ANKRD2: variants seen among roughly 807,000 people sequenced by gnomAD.
ANKRD2 encodes the protein ankyrin repeat domain 2.
Under a neutral mutation model 37.3 loss-of-function variants are expected in ANKRD2, and 35 were observed. The ratio of observed to expected loss-of-function variants is 0.94; its 90% CI spans 0.72 to 1.24. ANKRD2 has a LOEUF of 1.24. Among genes scored for constraint, ANKRD2 ranks in the 50% most tolerant of loss-of-function variants. The probability of loss-of-function intolerance (pLI) is 0.00; values close to 1 mark genes in which losing one functional copy is unlikely to be tolerated. For missense variants in ANKRD2, 410 were observed against 445.6 expected, an observed-to-expected ratio of 0.92 and a Z score of 0.72; for synonymous variants, 159 against 186.5, an observed-to-expected ratio of 0.85 and a Z score of 1.20.
At chr10:97,574,345 G>A (rs987142790) in intron 1 of ANKRD2, among the ~76,000 whole-genome samples, 5 of 152,118 alleles carry the variant, frequency 3.3e-5, no homozygotes, top group Non-Finnish European at 7.4e-5. Flanking sequence ...CCTTCAAGGG[G>A]ACTCAGTGGA....
In ANKRD2 at chr10:97,578,393, G is replaced by A; in HGVS notation, c.343G>A (p.Glu115Lys). 6.2e-7 allele frequency: 1 copy of A among 1,613,794 alleles called. No homozygotes were observed. Among genetic ancestry groups the A allele is most frequent in the Non-Finnish European group, 8.5e-7 (1 of 1,179,856 alleles). ...GCATGAGCCGCCCCCAGAGCCCGAG[G>A]AGATCGTAAGGGTCCTGGGGAGGAC... is the stretch of plus-strand genomic sequence containing the variant. ...ASHEPPPEPE[E>K]ITGPVDEETF... Residue 115 changes from glutamate to lysine, a missense_variant, in exon 3 of 9, where the codon GAG (glutamate) becomes AAG (lysine). By Grantham distance (56) the Glu-to-Lys change is moderately conservative. Coordinates refer to ENST00000370655, the MANE Select transcript of ANKRD2 (RefSeq NM_001346793.2).
intron 2 of ANKRD2, 104 bp from the exon 3 acceptor site, chr10:97,578,136 G>T (rs1589892477): frequency 2.3e-6 from 3 of 1,310,500 alleles, no homozygotes; most frequent in South Asian, 2.9e-5. Flanking sequence ...TCTTAAGAGG[G>T]TCTTCCTGCC....
In ANKRD2 at chr10:97,581,415, G is replaced by A. The variant is rs766380384; in HGVS notation, c.654+1G>A. ...AGCAGACACCAATGTGAGGGATAAG[G>A]TGAGGCAAAAACACTCAGAAGCAAC... On this transcript the variant is annotated splice_donor_variant, in intron 6 of 8. Coordinates refer to ENST00000370655, the MANE Select transcript of ANKRD2 (RefSeq NM_001346793.2). LOFTEE classifies it high-confidence loss of function. The A allele has an allele frequency of 6.2e-7, 1 of 1,613,978 alleles. No homozygotes were observed. The highest frequency in any genetic ancestry group is 1.7e-5 in the Admixed American group (1 of 59,992).
chr10:97,577,484 G>C (rs1004678461), intron 1 of ANKRD2, among the ~76,000 whole-genome samples: 1 of 152,244 alleles, frequency 6.6e-6, no homozygotes. Context: ...CTTGGTGCTT[G>C]AAAGAGTGAA....
At chr10:97,578,019 G>C in intron 2 of ANKRD2, 118 bp downstream of exon 2, 1 of 1,130,478 alleles carries the variant, frequency 8.8e-7, no homozygotes, top group Non-Finnish European at 1.2e-6. Flanking sequence ...GGTAGAGCTT[G>C]CTAGCCCTGC....
chr10:97,583,613 A>T lies in ANKRD2; in HGVS notation c.890A>T (p.Gln297Leu), dbSNP rs141723621. The T allele has an allele frequency of 6.1e-5, 98 of 1,605,956 alleles. No homozygotes were observed. Among genetic ancestry groups the T allele is most frequent in the Non-Finnish European group, 7.9e-5 (93 of 1,176,978 alleles). Reference protein sequence around the residue: ...KTPTDLVQLWQADTRHALEHP... With the variant: ...KTPTDLVQLWLADTRHALEHP... ...CCGACGGACCTGGTGCAGCTCTGGC[A>T]GGCTGATACCCGGCACGCCCTGGAG... The change falls in exon 9 of 9, where the codon CAG (glutamine) becomes CTG (leucine). Residue 297 changes from glutamine to leucine, a missense_variant. Coordinates refer to ENST00000370655, the MANE Select transcript of ANKRD2 (RefSeq NM_001346793.2).
intron 8 of ANKRD2, among the ~76,000 whole-genome samples, chr10:97,583,108 A>G (rs1485895134): frequency 1.3e-5 from 2 of 152,190 alleles, no homozygotes; most frequent in Non-Finnish European, 2.9e-5. Context: ...GGATCTAGGC[A>G]GGAAGTCCTT....
chr10:97,576,021 A>G (rs116046145), intron 1 of ANKRD2, among the ~76,000 whole-genome samples: 1,785 of 152,272 alleles, frequency 0.012, 42 homozygotes, highest in African/African-American at 0.041. Context: ...TCATTCTTGG[A>G]AGAAGATGCA....
chr10:97,583,224 C>T (rs191026187), intron 8 of ANKRD2, among the ~76,000 whole-genome samples: 7 of 152,180 alleles, frequency 4.6e-5, no homozygotes, highest in Admixed American at 1.3e-4. Context: ...GAGAGTCCCT[C>T]GGGCTCAAGA....
chr10:97,578,147 C>CA, intron 2 of ANKRD2, 93 bp from the exon 3 acceptor site: 1 of 718,820 alleles, frequency 1.4e-6, no homozygotes, highest in Non-Finnish European at 2.3e-6. Context: ...TCTTCCTGCC[C>CA]ACCCCACCCT....
intron 6 of ANKRD2, 141 bp downstream of exon 6, chr10:97,581,555 A>G (rs946776653): frequency 1.2e-6 from 1 of 829,486 alleles, no homozygotes; most frequent in African/African-American, 1.7e-5. Context: ...AAGCTAAAAC[A>G]GTGTCCTACT....
In ANKRD2 at chr10:97,581,415, GT is replaced by G. The variant is rs759095435; in HGVS notation, c.654+2del. ...AGCAGACACCAATGTGAGGGATAAGGTGAGGCAAAAACACTCAGAAGCAACA... is the reference window on the plus strand; with the variant it reads ...AGCAGACACCAATGTGAGGGATAAGGGAGGCAAAAACACTCAGAAGCAACA... On this transcript the variant is annotated splice_donor_variant, in intron 6 of 8. Transcript: ENST00000370655. LOFTEE classifies it high-confidence loss of function. 6.2e-7 allele frequency: 1 copy of G among 1,614,096 alleles called. No individual in the cohort carries two copies. Among genetic ancestry groups the G allele is most frequent in the South Asian group, 1.1e-5 (1 of 91,066 alleles).
intron 6 of ANKRD2, among the ~76,000 whole-genome samples, chr10:97,581,930 G>A (rs181347881): frequency 2.6e-5 from 4 of 152,330 alleles, no homozygotes; most frequent in Admixed American, 2.6e-4. Flanking sequence ...GAGTTCTTGT[G>A]TAGCTTAGGT....
At chr10:97,572,624 C>A, upstream of ANKRD2, 1 of 1,416,142 alleles carries the variant, frequency 7.1e-7, no homozygotes. Context: ...TGCTCCCTGG[C>A]CCTGGCTCCC....
At chr10:97,581,467 A>G (rs2040898135) in intron 6 of ANKRD2, 53 bp downstream of exon 6, 2 of 1,578,104 alleles carry the variant, frequency 1.3e-6, no homozygotes, top group African/African-American at 2.7e-5. Context: ...GTGGGGAGAA[A>G]GGCAGGGGTC....
At chr10:97,573,485 T>TG in intron 1 of ANKRD2, among the ~76,000 whole-genome samples, 1 of 151,994 alleles carries the variant, frequency 6.6e-6, no homozygotes, top group Non-Finnish European at 1.5e-5. Flanking sequence ...TGGAGTGCAA[T>TG]GCATGATCTT....
At chr10:97,580,458 TC>T (rs905157976) in intron 4 of ANKRD2, among the ~76,000 whole-genome samples, 10 of 152,176 alleles carry the variant, frequency 6.6e-5, no homozygotes, top group African/African-American at 2.4e-4. Context: ...TCGAACACAC[TC>T]TCACAGTTAA....
chr10:97,582,005 T>G (rs1164382878), intron 6 of ANKRD2, among the ~76,000 whole-genome samples: 1 of 152,224 alleles, frequency 6.6e-6, no homozygotes, highest in Non-Finnish European at 1.5e-5. Context: ...GCTTTTGCCA[T>G]GTCCATTACA....
chr10:97,583,864 T>TA lies in ANKRD2; in HGVS notation c.*145dup, dbSNP rs1346703924. 6.0e-6 allele frequency: 6 copies of TA among 993,612 alleles called. No homozygotes were observed. Among genetic ancestry groups the TA allele is most frequent in the Non-Finnish European group, 8.0e-6 (6 of 745,980 alleles). 61.5% of individuals were successfully genotyped at this position (993,612 alleles called of 1,614,324 possible). A position where few individuals can be genotyped will look rare whatever the true frequency, so the allele number is the denominator to read the frequency against. On this transcript the variant is annotated 3_prime_UTR_variant, in exon 9 of 9. Transcript: ENST00000370655. ...GAGCACATACCACAAACTACCACAA[T>TA]AAAAAAGCTGTTTTTGCTAATTGCG...
Sources: allele counts gnomAD v4.1 joint callset (sites outside exome capture counted in the v4.1 genomes callset), GRCh38; gene constraint gnomAD v4.1.1; transcripts MANE v1.5; gene names NCBI Gene and HGNC (gene_info 2026-07-23, HGNC 2026-07-21).